The following TNFRSF1B variants were observed in gnomAD, a reference collection of about 807,000 sequenced individuals.
TNFRSF1B encodes TNF receptor superfamily member 1B, also known as tumor necrosis factor receptor superfamily member 1B.
A neutral mutation model predicts 44.6 loss-of-function variants in TNFRSF1B; 19 were observed. The observed-to-expected ratio is 0.43, with a 90% confidence interval of 0.30 to 0.62. TNFRSF1B has a LOEUF of 0.62. Among genes scored for constraint, TNFRSF1B ranks in the 20% least tolerant of loss-of-function variants. The pLI is 0.16. For synonymous variants in TNFRSF1B, 252 were observed against 261.1 expected (o/e 0.97, Z 0.34); for missense variants, 541 against 619.9 (o/e 0.87, Z 1.35).
At position 12,168,722 on chromosome 1, in the gene TNFRSF1B, T is replaced by C. The variant is rs1638452259; in HGVS notation, c.78+1553T>C. On this transcript the variant is annotated intron_variant, in intron 1 of 9. Coordinates refer to ENST00000376259, the MANE Select transcript of TNFRSF1B (RefSeq NM_001066.3). The surrounding 1 kb of genome is among the most constrained non-coding windows in gnomAD (Gnocchi z 4.7). ...CCTGACCAGCTCCTGCGGCAGCTCATATTCCCTCCTCCCTCATCCCTGCTC... is the reference window on the plus strand; with the variant it reads ...CCTGACCAGCTCCTGCGGCAGCTCACATTCCCTCCTCCCTCATCCCTGCTC... Among the ~76,000 whole-genome samples the C allele has an allele frequency of 6.6e-6, 1 of 152,066 alleles. No homozygotes were observed.
intron 1 of TNFRSF1B, among the ~76,000 whole-genome samples, chr1:12,182,553 G>C (rs1336171063): frequency 6.7e-6 from 1 of 150,120 alleles, no homozygotes; most frequent in East Asian, 1.9e-4. Context: ...TGGGTGCTCA[G>C]CACGTCTGTT....
At chr1:12,183,780 A>AT (rs1437505706) in intron 1 of TNFRSF1B, among the ~76,000 whole-genome samples, 3 of 133,886 alleles carry the variant, frequency 2.2e-5, no homozygotes, top group African/African-American at 8.0e-5. Context: ...TATCTATTCT[A>AT]TCTACCTACC....
intron 8 of TNFRSF1B, among the ~76,000 whole-genome samples, 164 bp from the exon 9 acceptor site, chr1:12,201,803 A>G (rs1384780823): frequency 1.3e-5 from 2 of 152,200 alleles, no homozygotes; most frequent in Non-Finnish European, 2.9e-5. Flanking sequence ...CACACCTCCC[A>G]AAAAGTGCCG....
In TNFRSF1B at chr1:12,189,317, C is replaced by T. The variant is rs5746008; in HGVS notation, c.178+422C>T. Reference sequence around the variant, plus strand: ...TCTGATGTTCCCATGGAAGCTCTTTCCTTGCTGTGGGATTATAGCCCGGTC... The same window carrying T: ...TCTGATGTTCCCATGGAAGCTCTTTTCTTGCTGTGGGATTATAGCCCGGTC... On this transcript the variant is annotated intron_variant, in intron 2 of 9. Coordinates refer to ENST00000376259, the MANE Select transcript of TNFRSF1B (RefSeq NM_001066.3). Among the ~76,000 whole-genome samples the T allele has an allele frequency of 2.1e-3, 324 of 152,344 alleles. 1 individual carries two copies. Among genetic ancestry groups the T allele is most frequent in the African/African-American group, 7.4e-3 (309 of 41,580 alleles).
chr1:12,208,994 A>G lies in TNFRSF1B; in HGVS notation c.*1974A>G, dbSNP rs1639572174. ...GCTGGGACTGGCCAGGTTTCTGCCC[A>G]CATTGGACCCACATGAGGACATGAT... On this transcript the variant is annotated 3_prime_UTR_variant, in exon 10 of 10. Transcript: ENST00000376259. 2 of 152,316 alleles carry G rather than the reference A, an allele frequency of 1.3e-5. No homozygotes were observed. The highest frequency in any genetic ancestry group is 1.3e-4 in the Admixed American group (2 of 15,272). 9.4% of individuals were successfully genotyped at this position (152,316 alleles called of 1,614,324 possible).
At position 12,187,953 on chromosome 1, in the gene TNFRSF1B, G is replaced by A. The variant is rs369676486; in HGVS notation, c.79-843G>A. Reference sequence around the variant, plus strand: ...CAACACCCACAGCAGCTGGGGGAGCGGTGCCCTGCTGGCAGCAGGGGTCTG... The same window carrying A: ...CAACACCCACAGCAGCTGGGGGAGCAGTGCCCTGCTGGCAGCAGGGGTCTG... On this transcript the variant is annotated intron_variant, in intron 1 of 9. Coordinates refer to ENST00000376259, the MANE Select transcript of TNFRSF1B (RefSeq NM_001066.3). This position sits in a 1 kb window ranked among gnomAD's most constrained non-coding sequence, Gnocchi z 5.5. Among the ~76,000 whole-genome samples, 30 of 152,272 alleles carry A rather than the reference G, an allele frequency of 2.0e-4. No individual in the cohort carries two copies. The East Asian group carries it at 2.9e-3, about 15-fold the overall frequency.
chr1:12,182,350 C>A (rs969371669), intron 1 of TNFRSF1B, among the ~76,000 whole-genome samples: 7 of 152,234 alleles, frequency 4.6e-5, no homozygotes, highest in African/African-American at 1.7e-4. Flanking sequence ...ACCTCCTGAC[C>A]AAGCACTGAG....
At chr1:12,202,213 T>C in intron 9 of TNFRSF1B, 42 bp downstream of exon 9, 1 of 1,532,986 alleles carries the variant, frequency 6.5e-7, no homozygotes. Context: ...CAAGCCTCCT[T>C]GGTCTTTCTC....
In TNFRSF1B at chr1:12,188,819, G is replaced by A. The variant is rs373387104; in HGVS notation, c.102G>A (p.Pro34=). 29 of 1,613,694 alleles carry A rather than the reference G, an allele frequency of 1.8e-5. No homozygotes were observed. Among genetic ancestry groups the A allele is most frequent in the Middle Eastern group, 1.6e-4 (1 of 6,080 alleles). ...AGGTGGCATTTACACCCTACGCCCCGGAGCCCGGGAGCACATGCCGGCTCA... is the reference window on the plus strand; with the variant it reads ...AGGTGGCATTTACACCCTACGCCCCAGAGCCCGGGAGCACATGCCGGCTCA... ...PAQVAFTPYA[P]EPGSTCRLRE... is the part of the protein sequence containing the mutation. Residue 34 remains proline, a synonymous_variant, in exon 2 of 10, where the codon CCG becomes CCA. Coordinates refer to ENST00000376259, the MANE Select transcript of TNFRSF1B (RefSeq NM_001066.3).
intron 8 of TNFRSF1B, among the ~76,000 whole-genome samples, chr1:12,200,483 AC>A (rs1639362053): frequency 6.6e-6 from 1 of 152,108 alleles, no homozygotes; most frequent in Non-Finnish European, 1.5e-5. Context: ...GGTCTCAGTG[AC>A]AGCTACTCAA....
chr1:12,195,567 C>T (rs746693803), intron 8 of TNFRSF1B, among the ~76,000 whole-genome samples: 7 of 152,150 alleles, frequency 4.6e-5, no homozygotes, highest in Non-Finnish European at 7.4e-5. Context: ...ATCAGTAAAT[C>T]GGATGCCTTC....
rs1412650148 is a variant in TNFRSF1B at position 12,177,635 on chromosome 1, G to T, written c.78+10466G>T. 2.0e-5 allele frequency among the ~76,000 whole-genome samples: 3 copies of T among 152,116 alleles called. No homozygotes were observed. The highest frequency in any genetic ancestry group is 4.4e-5 in the Non-Finnish European group (3 of 68,020). ...CTTCCCCTAGGGGCGGGCAGATGCTGGCAGGGCACAGAGAGCCGAGGGCTA... is the reference window on the plus strand; with the variant it reads ...CTTCCCCTAGGGGCGGGCAGATGCTTGCAGGGCACAGAGAGCCGAGGGCTA... On this transcript the variant is annotated intron_variant, in intron 1 of 9. Coordinates refer to ENST00000376259, the MANE Select transcript of TNFRSF1B (RefSeq NM_001066.3). This position sits in a 1 kb window ranked among gnomAD's most constrained non-coding sequence, Gnocchi z 4.3.
chr1:12,202,084 A>T lies in TNFRSF1B; in HGVS notation c.1018A>T (p.Arg340Ter). The part of the protein sequence containing the change: ...SLESSASALD[R>*]RAPTRNQPQA... ...GGAGAGCTCGGCCAGTGCGTTGGAC[A>T]GAAGGGCGCCCACTCGGAACCAGCC... Residue 340 changes from arginine (R) to a stop codon, truncating the protein, a stop_gained, in exon 9 of 10, where the codon AGA (arginine) becomes TGA (stop). Transcript: ENST00000376259. LOFTEE classifies it high-confidence loss of function. 6.3e-7 allele frequency: 1 copy of T among 1,590,440 alleles called. No individual in the cohort carries two copies. Among genetic ancestry groups the T allele is most frequent in the Non-Finnish European group, 8.6e-7 (1 of 1,169,266 alleles).
At chr1:12,197,170 A>G (rs1308294498) in intron 8 of TNFRSF1B, among the ~76,000 whole-genome samples, 1 of 150,740 alleles carries the variant, frequency 6.6e-6, no homozygotes, top group Non-Finnish European at 1.5e-5. Flanking sequence ...CTGGTCTCAA[A>G]CCCCTGACCT....
In TNFRSF1B at chr1:12,183,753, CTAGCTAG is replaced by C. The variant is rs1557629281; in HGVS notation, c.79-5042_79-5036del. On this transcript the variant is annotated intron_variant, in intron 1 of 9. Coordinates refer to ENST00000376259, the MANE Select transcript of TNFRSF1B (RefSeq NM_001066.3). ...TCTATCTATCTATCTATCTATCTAG[CTAGCTAG>C]CTAGCTAGCTATCTATTCTATCTAC... 3.3e-3 allele frequency among the ~76,000 whole-genome samples: 396 copies of C among 121,834 alleles called. 2 individuals are homozygous for C. Among genetic ancestry groups the C allele is most frequent in the South Asian group, 9.7e-3 (35 of 3,622 alleles). The allele number at this position is 121,834 out of a possible 152,430, so 79.9% of individuals were successfully genotyped here.
intron 8 of TNFRSF1B, among the ~76,000 whole-genome samples, chr1:12,195,201 C>A (rs181638344): frequency 6.6e-6 from 1 of 152,174 alleles, no homozygotes; most frequent in Non-Finnish European, 1.5e-5. Context: ...GTAGGGCCTG[C>A]GAAGGCTTTT....
intron 8 of TNFRSF1B, among the ~76,000 whole-genome samples, chr1:12,197,369 C>T (rs545189012): frequency 1.3e-5 from 2 of 152,314 alleles, no homozygotes; most frequent in East Asian, 3.9e-4. Context: ...GTGGTGTTTG[C>T]TAATTTCTGT....
intron 1 of TNFRSF1B, among the ~76,000 whole-genome samples, chr1:12,184,556 G>A (rs1289291326): frequency 6.6e-6 from 1 of 152,198 alleles, no homozygotes; most frequent in Admixed American, 6.5e-5. Context: ...GACAAGAGAG[G>A]AACCTGGAGG....
intron 8 of TNFRSF1B, among the ~76,000 whole-genome samples, chr1:12,197,695 C>T (rs532558425): frequency 6.6e-6 from 1 of 152,326 alleles, no homozygotes; most frequent in East Asian, 1.9e-4. Context: ...AGCAGCTACT[C>T]CTGATAAGAG....
Sources: allele counts gnomAD v4.1 joint callset (sites outside exome capture counted in the v4.1 genomes callset), GRCh38; gene constraint gnomAD v4.1.1; non-coding constraint Gnocchi (gnomAD v3.1); transcripts MANE v1.5; gene names NCBI Gene and HGNC (gene_info 2026-07-23, HGNC 2026-07-21).